The following MRLN variants were observed in gnomAD, a reference collection of about 807,000 sequenced individuals.
The protein encoded by MRLN is Linc-RNA activator of myogenesis.
intron 1 of MRLN, among the ~76,000 whole-genome samples, chr10:59,742,988 C>G (rs150685795): frequency 2.0e-5 from 3 of 152,190 alleles, no homozygotes; most frequent in African/African-American, 4.8e-5. Context: ...CCTCAGCCTC[C>G]CAAAGTGGTG....
In MRLN at chr10:59,743,837, G is replaced by C. The variant is rs958001638; in HGVS notation, c.-124-5275C>G. ...GCGCCGCCACGCCTGACTGGTTTTC[G>C]TATTTTTTGGTGGAGACGGGGTTTC... On this transcript the variant is annotated intron_variant, in intron 1 of 2. Coordinates refer to ENST00000414264, the MANE Select transcript of MRLN (RefSeq NM_001304731.2). Among the ~76,000 whole-genome samples, 11 of 152,148 alleles carry C rather than the reference G, an allele frequency of 7.2e-5. No individual in the cohort carries two copies. The South Asian group carries it at 1.7e-3, about 23-fold the overall frequency.
intron 1 of MRLN, among the ~76,000 whole-genome samples, chr10:59,749,177 T>C (rs1841072851): frequency 6.6e-6 from 1 of 152,216 alleles, no homozygotes; most frequent in Non-Finnish European, 1.5e-5. Context: ...ATAGCTAAAG[T>C]TCAGTGCCTT....
intron 1 of MRLN, chr10:59,739,681 G>T (rs1184463910): frequency 6.6e-6 from 1 of 152,228 alleles, no homozygotes; most frequent in Non-Finnish European, 1.5e-5. Flanking sequence ...AGAAAATGGA[G>T]TGAATTTATT....
intron 1 of MRLN, among the ~76,000 whole-genome samples, chr10:59,743,789 C>T (rs1052868357): frequency 2.0e-5 from 3 of 152,152 alleles, no homozygotes; most frequent in African/African-American, 4.8e-5. Flanking sequence ...CTCAGCCTGC[C>T]GAGTGCCTGG....
In MRLN at chr10:59,737,058, TTC is replaced by T. The variant is rs1232744587; in HGVS notation, c.141_*1del. ...AATGTACATGGAAAGGAAGTCAGCT[TTC>T]TAAGAAGTTATCACAACATATATAA... On this transcript the variant is annotated stop_retained_variant and 3_prime_UTR_variant, in exon 3 of 3. Transcript: ENST00000414264. 1.8e-5 allele frequency: 7 copies of T among 395,810 alleles called. No homozygotes were observed. The highest frequency in any genetic ancestry group is 3.1e-5 in the Non-Finnish European group (7 of 224,022). 24.5% of individuals were successfully genotyped at this position (395,810 alleles called of 1,614,324 possible).
chr10:59,742,607 A>G (rs1436312488), intron 1 of MRLN, among the ~76,000 whole-genome samples: 1 of 152,170 alleles, frequency 6.6e-6, no homozygotes, highest in East Asian at 1.9e-4. Flanking sequence ...TCACTTTTTA[A>G]CTGTTTATTA....
chr10:59,740,645 C>T (rs1369815747), intron 1 of MRLN, among the ~76,000 whole-genome samples: 1 of 151,804 alleles, frequency 6.6e-6, no homozygotes, highest in African/African-American at 2.4e-5. Flanking sequence ...TTGTGTACAG[C>T]CATACAATGT....
chr10:59,745,060 A>T (rs558058953), intron 1 of MRLN, among the ~76,000 whole-genome samples: 23 of 152,032 alleles, frequency 1.5e-4, no homozygotes, highest in African/African-American at 4.8e-4. Flanking sequence ...TTGTCCTATG[A>T]CCCTGCCAAA....
chr10:59,750,838 C>A (rs768179006), intron 1 of MRLN, among the ~76,000 whole-genome samples: 7 of 152,124 alleles, frequency 4.6e-5, no homozygotes, highest in Non-Finnish European at 1.0e-4. Flanking sequence ...TTGAGTGGTG[C>A]GAGGATGCAG....
chr10:59,749,571 G>A (rs999227099), intron 1 of MRLN, among the ~76,000 whole-genome samples: 3 of 152,106 alleles, frequency 2.0e-5, no homozygotes, highest in Admixed American at 6.5e-5. Flanking sequence ...GTTCGCACCT[G>A]TAGTCTCAGC....
intron 1 of MRLN, among the ~76,000 whole-genome samples, chr10:59,752,768 T>A (rs1355379928): frequency 6.6e-6 from 1 of 151,928 alleles, no homozygotes; most frequent in African/African-American, 2.4e-5. Flanking sequence ...TTTGAAGGAC[T>A]CTCAGAAGCA....
intron 1 of MRLN, among the ~76,000 whole-genome samples, chr10:59,752,556 C>A (rs1360238755): frequency 6.6e-6 from 1 of 152,184 alleles, no homozygotes; most frequent in Non-Finnish European, 1.5e-5. Flanking sequence ...GTCATGCTTC[C>A]CTTACACATT....
Position 59,744,464 on chromosome 10 carries a change from G to T in MRLN, c.-124-5902C>A, listed in dbSNP as rs574847509. On this transcript the variant is annotated intron_variant, in intron 1 of 2. Transcript: ENST00000414264. Reference sequence around the variant, plus strand: ...CGGGAGGCGGGGAGCAGCCGCGCCCGGCCAGCCGCCCCGTCCGGGAGGTGG... The same window carrying T: ...CGGGAGGCGGGGAGCAGCCGCGCCCTGCCAGCCGCCCCGTCCGGGAGGTGG... Among the ~76,000 whole-genome samples, 16 of 149,946 alleles carry T rather than the reference G, an allele frequency of 1.1e-4. No individual in the cohort carries two copies. In the South Asian group the frequency reaches 3.0e-3, roughly 28 times the overall value.
At chr10:59,750,252 G>A (rs1841087706) in intron 1 of MRLN, among the ~76,000 whole-genome samples, 1 of 151,680 alleles carries the variant, frequency 6.6e-6, no homozygotes, top group Non-Finnish European at 1.5e-5. Context: ...TGTATTTTTA[G>A]TAGAGACAGG....
intron 1 of MRLN, among the ~76,000 whole-genome samples, chr10:59,745,500 C>T (rs914372874): frequency 1.6e-5 from 2 of 125,350 alleles, no homozygotes; most frequent in African/African-American, 3.1e-5. Flanking sequence ...CCCCACCCCC[C>T]ACCCCCCACC....
chr10:59,743,933 G>A (rs996309623), intron 1 of MRLN, among the ~76,000 whole-genome samples: 3 of 152,194 alleles, frequency 2.0e-5, no homozygotes, highest in East Asian at 1.9e-4. Context: ...CTCAGGTGCC[G>A]GGATTGTAGA....
rs1031154346 is a variant in MRLN, at chr10:59,740,954, C to T, written c.-124-2392G>A. Among the ~76,000 whole-genome samples the T allele has an allele frequency of 5.3e-5, 8 of 152,090 alleles. No homozygotes were observed. In the East Asian group the frequency reaches 1.6e-3, roughly 30 times the overall value. Reference sequence around the variant, plus strand: ...CTGAGATTACAGGAATGCACCACCACATCTGGCTGATTTTTGTATTTTTAG... The same window carrying T: ...CTGAGATTACAGGAATGCACCACCATATCTGGCTGATTTTTGTATTTTTAG... On this transcript the variant is annotated intron_variant, in intron 1 of 2. Coordinates refer to ENST00000414264, the MANE Select transcript of MRLN (RefSeq NM_001304731.2).
intron 1 of MRLN, among the ~76,000 whole-genome samples, chr10:59,739,894 C>A (rs1840963553): frequency 6.6e-6 from 1 of 151,996 alleles, no homozygotes; most frequent in African/African-American, 2.4e-5. Flanking sequence ...GAGTTCAAGA[C>A]CAGCCTGGCC....
At chr10:59,743,745 G>A (rs552039432) in intron 1 of MRLN, among the ~76,000 whole-genome samples, 97 of 152,134 alleles carry the variant, frequency 6.4e-4, no homozygotes, top group Non-Finnish European at 1.2e-3. Context: ...CTGCCATCTC[G>A]ACTCACTGCA....
Sources: allele counts gnomAD v4.1 joint callset (sites outside exome capture counted in the v4.1 genomes callset), GRCh38; gene constraint gnomAD v4.1.1; transcripts MANE v1.5; gene names NCBI Gene and HGNC (gene_info 2026-07-23, HGNC 2026-07-21).